PLCB1: variants seen among roughly 807,000 people sequenced by gnomAD.
PLCB1 encodes the protein 1-phosphatidylinositol 4,5-bisphosphate phosphodiesterase beta-1.
Under a neutral mutation model 161.8 loss-of-function variants are expected in PLCB1, and 46 were observed. The ratio of observed to expected loss-of-function variants is 0.28; its 90% CI spans 0.22 to 0.36. The LOEUF (loss-of-function observed/expected upper bound fraction) is 0.36, where lower values mean the gene tolerates loss of function less well. Among genes scored for constraint, PLCB1 ranks in the 10% least tolerant of loss-of-function variants. The pLI, the probability that PLCB1 is intolerant of heterozygous loss-of-function variation, is 1.00. For synonymous variants in PLCB1, 517 were observed against 503.7 expected, an observed-to-expected ratio of 1.03 and a Z score of -0.35; for missense variants, 1,016 against 1,472.5, an observed-to-expected ratio of 0.69 and a Z score of 5.07.
intron 3 of PLCB1, among the ~76,000 whole-genome samples, chr20:8,402,287 A>G (rs1348816037): frequency 6.6e-6 from 1 of 152,100 alleles, no homozygotes; most frequent in Non-Finnish European, 1.5e-5. Context: ...TTATGTCTTT[A>G]GCATACTACT....
At chr20:8,699,737 T>C (rs538618098) in intron 11 of PLCB1, among the ~76,000 whole-genome samples, 1 of 152,358 alleles carries the variant, frequency 6.6e-6, no homozygotes, top group South Asian at 2.1e-4. Flanking sequence ...TCAGCAGTAA[T>C]ATCATTCACA....
chr20:8,424,371 T>C (rs1459545175), intron 3 of PLCB1, among the ~76,000 whole-genome samples: 2 of 152,236 alleles, frequency 1.3e-5, no homozygotes, highest in African/African-American at 2.4e-5. Context: ...TTTGTTTGGT[T>C]ACACTATAAG....
Position 8,760,418 on chromosome 20 carries a change from G to A in PLCB1, c.2668G>A (p.Ala890Thr). 6.2e-7 allele frequency: 1 copy of A among 1,607,526 alleles called. No individual in the cohort carries two copies. The highest frequency in any genetic ancestry group is 1.3e-5 in the African/African-American group (1 of 74,888). ...CTTTTATATTACAGGTTCTGTAAAG[G>A]CACCTGCCAAAACAGAAGATCTTAT... ...HSQPAPGSVK[A>T]PAKTEDLIQS... The change falls in exon 25 of 32, where the codon GCA becomes ACA. Residue 890 changes from alanine (A) to threonine (T), a missense_variant. This residue lies in a region of PLCB1 where 398 missense variants were observed against 445.4 expected (regional missense o/e 0.89). Transcript: ENST00000338037.
At chr20:8,861,710 CAG>C (rs1460313343) in intron 31 of PLCB1, among the ~76,000 whole-genome samples, 1 of 119,864 alleles carries the variant, frequency 8.3e-6, no homozygotes, top group Non-Finnish European at 1.6e-5. Flanking sequence ...AGCCTGGTGA[CAG>C]AGTGAGACTC....
rs989642060 is a variant in PLCB1 at position 8,684,288 on chromosome 20, G to A, written c.863-644G>A. 8.7e-5 allele frequency among the ~76,000 whole-genome samples: 13 copies of A among 150,050 alleles called. No homozygotes were observed. In the South Asian group the frequency reaches 1.7e-3, roughly 20 times the overall value. On this transcript the variant is annotated intron_variant, in intron 9 of 31. Coordinates refer to ENST00000338037, the MANE Select transcript of PLCB1 (RefSeq NM_015192.4). ...TATTTTTATTTTGAGAAGGAGTCTCGCTCTGTCGCCCAGGCTGGAGTGCAG... is the reference window on the plus strand; with the variant it reads ...TATTTTTATTTTGAGAAGGAGTCTCACTCTGTCGCCCAGGCTGGAGTGCAG...
chr20:8,626,593 C>T (rs1392490798), intron 3 of PLCB1, among the ~76,000 whole-genome samples: 1 of 152,056 alleles, frequency 6.6e-6, no homozygotes, highest in Admixed American at 6.6e-5. Flanking sequence ...AAGAAAGGGT[C>T]CAATGTATAG....
At chr20:8,336,765 A>C (rs1411707507) in intron 2 of PLCB1, among the ~76,000 whole-genome samples, 1 of 152,128 alleles carries the variant, frequency 6.6e-6, no homozygotes, top group Non-Finnish European at 1.5e-5. Context: ...TTTTAACTTT[A>C]TTATTTTCTA....
At chr20:8,865,936 A>C (rs1987414368) in intron 31 of PLCB1, among the ~76,000 whole-genome samples, 1 of 152,182 alleles carries the variant, frequency 6.6e-6, no homozygotes, top group Non-Finnish European at 1.5e-5. Context: ...CAAACCTGCT[A>C]AATGTAGAAT....
chr20:8,339,537 CTG>C (rs2122218247), intron 2 of PLCB1, among the ~76,000 whole-genome samples: 2 of 152,346 alleles, frequency 1.3e-5, no homozygotes, highest in East Asian at 3.9e-4. Flanking sequence ...TGCAGACTGG[CTG>C]TGTTACAGAA....
intron 2 of PLCB1, among the ~76,000 whole-genome samples, chr20:8,264,690 G>A (rs1299233723): frequency 1.3e-5 from 2 of 151,792 alleles, no homozygotes; most frequent in Non-Finnish European, 2.9e-5. Context: ...AGTCTCTCAT[G>A]GACTGAAATG....
intron 3 of PLCB1, among the ~76,000 whole-genome samples, chr20:8,469,545 CCTA>C (rs1555809489): frequency 6.6e-6 from 1 of 151,706 alleles, no homozygotes; most frequent in Non-Finnish European, 1.5e-5. Flanking sequence ...TCAGTGTAAC[CCTA>C]CTGAGTTCCA....
At chr20:8,808,491 T>C (rs189313187) in intron 31 of PLCB1, among the ~76,000 whole-genome samples, 77 of 152,306 alleles carry the variant, frequency 5.1e-4, no homozygotes, top group African/African-American at 1.8e-3. Flanking sequence ...TCTCCAAATA[T>C]AATCACATTG....
intron 31 of PLCB1, chr20:8,802,040 CT>C (rs766428060): frequency 4.2e-5 from 62 of 1,460,898 alleles, no homozygotes; most frequent in Non-Finnish European, 5.4e-5. Context: ...GACAGCCTCC[CT>C]TTTTTTCCAC....
chr20:8,580,515 G>A (rs1056246604), intron 3 of PLCB1, among the ~76,000 whole-genome samples: 3 of 152,154 alleles, frequency 2.0e-5, no homozygotes, highest in Admixed American at 1.3e-4. Context: ...CCTTCTTAGC[G>A]TTCTGCTAAA....
chr20:8,496,420 C>G (rs955698643), intron 3 of PLCB1, among the ~76,000 whole-genome samples: 1 of 152,120 alleles, frequency 6.6e-6, no homozygotes, highest in Non-Finnish European at 1.5e-5. Flanking sequence ...GGGAGGATCA[C>G]TTGAGCCTGG....
rs562825449 is a variant in PLCB1, at chr20:8,445,235, G to T, written c.246+73785G>T. Among the ~76,000 whole-genome samples, 232 of 152,278 alleles carry T rather than the reference G, an allele frequency of 1.5e-3. 1 individual carries two copies. The highest frequency in any genetic ancestry group is 4.6e-3 in the African/African-American group (191 of 41,546). On this transcript the variant is annotated intron_variant, in intron 3 of 31. Coordinates refer to ENST00000338037, the MANE Select transcript of PLCB1 (RefSeq NM_015192.4). ...AATTGATTTTTGTATAAGTTGTAAGGAAGGGATCCAGTTTCAGCTGTCTAC... is the reference window on the plus strand; with the variant it reads ...AATTGATTTTTGTATAAGTTGTAAGTAAGGGATCCAGTTTCAGCTGTCTAC...
chr20:8,784,330 A>C (rs1983378615), intron 27 of PLCB1, among the ~76,000 whole-genome samples: 1 of 152,020 alleles, frequency 6.6e-6, no homozygotes, highest in Non-Finnish European at 1.5e-5. Flanking sequence ...TGGGAGACTG[A>C]GAAGGGCAGA....
At position 8,571,292 on chromosome 20, in the gene PLCB1, G is replaced by A. The variant is rs1234810410; in HGVS notation, c.247-57002G>A. On this transcript the variant is annotated intron_variant, in intron 3 of 31. Transcript: ENST00000338037. ...AGGTCAGGAGTTCAAGACCAACCTAGCCAACATGGTGACACTCCATCTCTA... is the reference window on the plus strand; with the variant it reads ...AGGTCAGGAGTTCAAGACCAACCTAACCAACATGGTGACACTCCATCTCTA... Among the ~76,000 whole-genome samples, 6 of 152,246 alleles carry A rather than the reference G, an allele frequency of 3.9e-5. No homozygotes were observed. The East Asian group carries it at 1.2e-3, about 29-fold the overall frequency.
At chr20:8,614,315 C>T (rs1036314415) in intron 3 of PLCB1, among the ~76,000 whole-genome samples, 1 of 151,742 alleles carries the variant, frequency 6.6e-6, no homozygotes, top group Non-Finnish European at 1.5e-5. Context: ...AGTAAATTAT[C>T]ATTCAAGTAT....
Sources: allele counts gnomAD v4.1 joint callset (sites outside exome capture counted in the v4.1 genomes callset), GRCh38; gene constraint gnomAD v4.1.1; regional missense constraint gnomAD v4.1.1; transcripts MANE v1.5; gene names NCBI Gene and HGNC (gene_info 2026-07-23, HGNC 2026-07-21).